The following KIFC3 variants were observed in gnomAD, a reference collection of about 807,000 sequenced individuals.
The protein encoded by KIFC3 is kinesin-like protein KIFC3.
KIFC3 carries 60 observed loss-of-function variants against 101.8 expected under a neutral mutation model. The ratio of observed to expected loss-of-function variants is 0.59; its 90% CI spans 0.48 to 0.73. The LOEUF is 0.73. KIFC3 is among the 30% of genes least tolerant of loss of function. The pLI is 0.00. For missense variants in KIFC3, 966 were observed against 1,137.1 expected (o/e 0.85, Z 2.16); for synonymous variants, 476 against 482.7 (o/e 0.99, Z 0.18).
chr16:57,762,399 G>A (rs2049972758), intron 12 of KIFC3, 129 bp from the exon 13 acceptor site: 1 of 969,240 alleles, frequency 1.0e-6, no homozygotes, highest in East Asian at 2.7e-5. Context: ...TTACCTACCT[G>A]CCACTGTCCC....
chr16:57,795,828 C>T (rs2054248445), intron 2 of KIFC3, among the ~76,000 whole-genome samples: 1 of 151,856 alleles, frequency 6.6e-6, no homozygotes. Context: ...GAGTGCCAGC[C>T]ACTGGGCCAA....
intron 4 of KIFC3, 40 bp from the exon 5 acceptor site, chr16:57,771,726 G>C: frequency 1.3e-6 from 2 of 1,585,304 alleles, no homozygotes; most frequent in Non-Finnish European, 1.7e-6. Context: ...TGTGGCGAGG[G>C]CAGATGACGG....
chr16:57,816,538 G>A lies in KIFC3; in HGVS notation c.109-18256C>T, dbSNP rs1305707208. 9 of 456,650 alleles carry A rather than the reference G, an allele frequency of 2.0e-5. No individual in the cohort carries two copies. In the East Asian group the frequency reaches 2.8e-4, roughly 14 times the overall value. 28.3% of individuals were successfully genotyped at this position (456,650 alleles called of 1,614,324 possible). Reference sequence around the variant, plus strand: ...TTGTCTGCGCCTTACAAAACCACACGGGCTGCGAGTGACAGCTGGCTGCTC... The same window carrying A: ...TTGTCTGCGCCTTACAAAACCACACAGGCTGCGAGTGACAGCTGGCTGCTC... On this transcript the variant is annotated intron_variant, in intron 1 of 2. Transcript: ENST00000563028.
rs782790594 is a variant in KIFC3, at chr16:57,769,810, G to T, written c.1085C>A (p.Ala362Glu). The T allele has an allele frequency of 9.9e-6, 16 of 1,613,288 alleles. No homozygotes were observed. The highest frequency in any genetic ancestry group is 1.7e-5 in the Admixed American group (1 of 59,990). ...CAGGGCCCAGCTGGTCAGCTCACCT[G>T]CTAGATTCTCGTGCACAGCCTTCAT... ...VEMKAVHENL[A>E]GVRTNLLTLQ... The change falls in exon 8 of 20, where the codon GCA (alanine) becomes GAA (glutamate). Residue 362 changes from alanine (A) to glutamate (E), a missense_variant and splice_region_variant. By Grantham distance (107) the Ala-to-Glu change is moderately radical. Around this residue, in one of 2 missense-constraint regions of KIFC3, gnomAD observed 689 missense variants for 884.6 expected, o/e 0.78. Transcript: ENST00000445690. The surrounding 1 kb of genome is among the most constrained non-coding windows in gnomAD (Gnocchi z 4.3).
rs1555592418 is a variant in KIFC3 at position 57,758,920 on chromosome 16, A to G, written c.*25-11T>C. ...GTGGCCGCGACTTCCCTGCAGGGGCATGAGATCATCAGCCTCTTGTCCACT... is the reference window on the plus strand; with the variant it reads ...GTGGCCGCGACTTCCCTGCAGGGGCGTGAGATCATCAGCCTCTTGTCCACT... On this transcript the variant is annotated splice_polypyrimidine_tract_variant and intron_variant, in intron 19 of 19. Coordinates refer to ENST00000445690, the MANE Select transcript of KIFC3 (RefSeq NM_001130100.2). 1 of 1,567,354 alleles carries G rather than the reference A, an allele frequency of 6.4e-7. No homozygotes were observed. Among genetic ancestry groups the G allele is most frequent in the East Asian group, 2.2e-5 (1 of 44,470 alleles).
chr16:57,824,749 C>A (rs1335355215), intron 1 of KIFC3, among the ~76,000 whole-genome samples: 2 of 152,158 alleles, frequency 1.3e-5, no homozygotes, highest in Admixed American at 1.3e-4. Context: ...GAAATCACTA[C>A]TGAGGCCCTG....
chr16:57,860,022 A>AAAAGT (rs2056260193), intron 1 of KIFC3, among the ~76,000 whole-genome samples: 1 of 86,900 alleles, frequency 1.2e-5, no homozygotes, highest in Admixed American at 1.2e-4. Context: ...ACTCTGTCTC[A>AAAAGT]AAAATAAAAT....
At chr16:57,813,899 G>A (rs1381185963) in intron 1 of KIFC3, 5 of 979,628 alleles carry the variant, frequency 5.1e-6, no homozygotes, top group Non-Finnish European at 6.1e-6. Context: ...GAGGTGAAGG[G>A]ATCTACCCTG....
chr16:57,798,274 C>G lies in KIFC3; in HGVS notation c.-31G>C. 1.3e-6 allele frequency: 2 copies of G among 1,549,808 alleles called. No homozygotes were observed. Among genetic ancestry groups the G allele is most frequent in the Non-Finnish European group, 1.7e-6 (2 of 1,147,854 alleles). ...GGGGCTCAGCAGCCTCCTCGGGGCA[C>G]CAGGCAGCCTGCGGAGAGAACAAGG... On this transcript the variant is annotated 5_prime_UTR_variant, in exon 2 of 20. Transcript: ENST00000445690.
At chr16:57,799,064 G>A (rs375746233) in intron 1 of KIFC3, among the ~76,000 whole-genome samples, 15 of 152,186 alleles carry the variant, frequency 9.9e-5, no homozygotes, top group African/African-American at 3.4e-4. Flanking sequence ...TACTGGAGGC[G>A]GCAGGTGCGA....
At chr16:57,834,265 C>A (rs1397102129) in intron 1 of KIFC3, among the ~76,000 whole-genome samples, 1 of 152,130 alleles carries the variant, frequency 6.6e-6, no homozygotes. Flanking sequence ...TGAAAATAAT[C>A]TCCCAGTATT....
chr16:57,800,541 C>T (rs2054650037), intron 1 of KIFC3, among the ~76,000 whole-genome samples: 1 of 152,158 alleles, frequency 6.6e-6, no homozygotes, highest in Non-Finnish European at 1.5e-5. Context: ...GAAGGTGAGA[C>T]AGTGCAGGGC....
At chr16:57,774,946 G>T (rs782158266) in intron 3 of KIFC3, 5 of 1,497,544 alleles carry the variant, frequency 3.3e-6, no homozygotes, top group Non-Finnish European at 2.7e-6. Flanking sequence ...CCCCAGAAAG[G>T]CTGCTGCCTC....
chr16:57,766,685 T>C (rs2050523132), intron 10 of KIFC3, among the ~76,000 whole-genome samples, 189 bp downstream of exon 10: 1 of 152,160 alleles, frequency 6.6e-6, no homozygotes, highest in Non-Finnish European at 1.5e-5. Context: ...CAAGTTCAAA[T>C]CCAAGGCAGA....
chr16:57,766,276 G>C (rs1412443599), intron 10 of KIFC3, among the ~76,000 whole-genome samples: 1 of 152,182 alleles, frequency 6.6e-6, no homozygotes, highest in Non-Finnish European at 1.5e-5. Context: ...CCAGCTCACT[G>C]TCCAGGTCTC....
At chr16:57,781,761 T>C (rs1181845712) in intron 3 of KIFC3, 1 of 178,088 alleles carries the variant, frequency 5.6e-6, no homozygotes, top group Admixed American at 6.5e-5. Context: ...TCCCCTGAGG[T>C]AGGTACTATT....
intron 1 of KIFC3, among the ~76,000 whole-genome samples, chr16:57,836,651 C>T (rs1459812035): frequency 6.6e-6 from 1 of 152,174 alleles, no homozygotes; most frequent in Non-Finnish European, 1.5e-5. Context: ...ATTCTCCTGG[C>T]TTTCTCAGCC....
intron 3 of KIFC3, chr16:57,775,926 G>A (rs1384524762): frequency 3.0e-6 from 3 of 985,456 alleles, no homozygotes; most frequent in East Asian, 2.3e-4. Flanking sequence ...CCTGCTGCAG[G>A]GGGCGTCACC....
intron 1 of KIFC3, among the ~76,000 whole-genome samples, chr16:57,827,474 G>C (rs2055482943): frequency 6.6e-6 from 1 of 152,218 alleles, no homozygotes; most frequent in African/African-American, 2.4e-5. Context: ...CCCATGCCTG[G>C]CACAGAGGAG....
Sources: gnomAD v4.1 joint callset for allele counts (sites outside exome capture counted in the v4.1 genomes callset) on GRCh38, gnomAD v4.1.1 for gene constraint, gnomAD v4.1.1 regional missense constraint, Gnocchi (gnomAD v3.1) non-coding constraint, MANE v1.5 for transcripts, NCBI Gene and HGNC (gene_info 2026-07-23, HGNC 2026-07-21) for gene names.